The following DIPK1A variants were observed in gnomAD, a reference collection of about 807,000 sequenced individuals.
DIPK1A encodes the protein family with sequence similarity 69 member A.
A neutral mutation model predicts 40.8 loss-of-function variants in DIPK1A; 27 were observed. That is an observed-to-expected ratio of 0.66 (90% confidence interval 0.49 to 0.91). The LOEUF (loss-of-function observed/expected upper bound fraction) is 0.91. Among genes scored for constraint, DIPK1A ranks in the 40% least tolerant of loss-of-function variants. DIPK1A has a pLI of 0.00. For missense variants in DIPK1A, 412 were observed against 505.7 expected, an observed-to-expected ratio of 0.81 and a Z score of 1.78; for synonymous variants, 166 against 171.3, an observed-to-expected ratio of 0.97 and a Z score of 0.24.
At chr1:92,934,199 C>T (rs1650866663) in intron 1 of DIPK1A, 1 of 152,120 alleles carries the variant, frequency 6.6e-6, no homozygotes, top group Non-Finnish European at 1.5e-5. Context: ...TGATCTATTT[C>T]TATGGTTTAA....
At chr1:92,881,286 T>C in intron 1 of DIPK1A, among the ~76,000 whole-genome samples, 1 of 127,520 alleles carries the variant, frequency 7.8e-6, no homozygotes, top group Non-Finnish European at 1.6e-5. Flanking sequence ...AAATACTCCA[T>C]ACACAAATGT....
chr1:92,845,566 C>T (rs1022482109), intron 4 of DIPK1A: 6 of 286,276 alleles, frequency 2.1e-5, no homozygotes, highest in East Asian at 1.2e-4. Context: ...ATGCTGGATG[C>T]GGTGGCTCAC....
At position 92,876,348 on chromosome 1, in the gene DIPK1A, T is replaced by C; in HGVS notation, c.137A>G (p.Gln46Arg). The change falls in exon 2 of 5, where the codon CAG becomes CGG. Residue 46 changes from glutamine (Q) to arginine (R), a missense_variant. Gln to Arg is a conservative substitution (Grantham distance 43). Transcript: ENST00000370310. ...VFVGSWIIYV[Q>R]YSTYTELCRG... ...GCATAATTCTGTATAGGTAGAATAC[T>C]GCACATATATAATCCAGCTTCCAAC... 1.9e-6 allele frequency: 3 copies of C among 1,605,748 alleles called. No homozygotes were observed. Among genetic ancestry groups the C allele is most frequent in the Admixed American group, 3.3e-5 (2 of 59,878 alleles).
chr1:92,883,558 T>C (rs1571088413), intron 1 of DIPK1A, among the ~76,000 whole-genome samples: 1 of 152,182 alleles, frequency 6.6e-6, no homozygotes, highest in Non-Finnish European at 1.5e-5. Flanking sequence ...CTATGTGGGT[T>C]GGATGGGCAG....
intron 2 of DIPK1A, among the ~76,000 whole-genome samples, chr1:92,866,128 G>C (rs1227937875): frequency 6.6e-6 from 1 of 152,154 alleles, no homozygotes; most frequent in Admixed American, 6.5e-5. Context: ...TTGAGACAGA[G>C]TCTCTCACTG....
rs369499700 is a variant in DIPK1A at position 92,911,370 on chromosome 1, C to T, written c.55-34940G>A. Among the ~76,000 whole-genome samples the T allele has an allele frequency of 4.6e-5, 7 of 152,310 alleles. No homozygotes were observed. The East Asian group carries it at 9.6e-4, about 21-fold the overall frequency. ...GGATTTTCACCAGACATTGAATCTG[C>T]AGGTACCTTGTTCTTGAACTTCCCA... On this transcript the variant is annotated intron_variant, in intron 1 of 4. Coordinates refer to ENST00000370310, the MANE Select transcript of DIPK1A (RefSeq NM_001006605.5).
chr1:92,870,798 A>G (rs957652608), intron 2 of DIPK1A, among the ~76,000 whole-genome samples: 4 of 152,144 alleles, frequency 2.6e-5, no homozygotes, highest in African/African-American at 9.7e-5. Context: ...CTTGGCATGG[A>G]TCGGGGTAAA....
rs780882370 is a variant in DIPK1A at position 92,832,993 on chromosome 1, G to A, written c.*27C>T. On this transcript the variant is annotated 3_prime_UTR_variant, in exon 5 of 5. Coordinates refer to the DIPK1A transcript ENST00000615519. ...TTGGCATCACTGATTGCTGTCTGGA[G>A]CAGTGCTTCGCAAAAGTTTGGCACA... 14 of 735,864 alleles carry A rather than the reference G, an allele frequency of 1.9e-5. No homozygotes were observed. In the African/African-American group the frequency reaches 2.2e-4, roughly 12 times the overall value. The allele number at this position is 735,864 out of a possible 1,614,324, so 45.6% of individuals were successfully genotyped here. A position where few individuals can be genotyped will look rare whatever the true frequency, so the allele number is the denominator to read the frequency against.
downstream of DIPK1A, chr1:92,842,152 A>G: frequency 1.9e-6 from 2 of 1,037,930 alleles, no homozygotes; most frequent in South Asian, 3.7e-5. Flanking sequence ...CAACAGACCA[A>G]CCATCAGTGG....
At chr1:92,857,307 C>T (rs1306779040) in intron 2 of DIPK1A, among the ~76,000 whole-genome samples, 1 of 149,982 alleles carries the variant, frequency 6.7e-6, no homozygotes, top group African/African-American at 2.5e-5. Flanking sequence ...AGCTACACAG[C>T]GTTTGTCATA....
chr1:92,836,498 C>T, intron 4 of DIPK1A: 1 of 990,686 alleles, frequency 1.0e-6, no homozygotes, highest in Non-Finnish European at 1.6e-6. Context: ...CAATTGAATG[C>T]CTGCTGTATG....
At chr1:92,959,055 G>A (rs990624264) in intron 1 of DIPK1A, among the ~76,000 whole-genome samples, 12 of 152,194 alleles carry the variant, frequency 7.9e-5, no homozygotes, top group African/African-American at 2.9e-4. Context: ...GGAGGTCAAG[G>A]CAGGAGGACT....
chr1:92,935,720 G>A (rs556783806), intron 1 of DIPK1A, among the ~76,000 whole-genome samples: 7 of 151,370 alleles, frequency 4.6e-5, no homozygotes, highest in South Asian at 4.2e-4. Context: ...ATATTATAAC[G>A]TGTTCAAGTA....
chr1:92,839,782 A>G (rs1381539850), downstream of DIPK1A, among the ~76,000 whole-genome samples: 1 of 152,164 alleles, frequency 6.6e-6, no homozygotes, highest in African/African-American at 2.4e-5. Context: ...TTTGATTTAG[A>G]GTGACTCAAG....
chr1:92,958,541 A>G (rs1014828381), intron 1 of DIPK1A, among the ~76,000 whole-genome samples: 1 of 151,808 alleles, frequency 6.6e-6, no homozygotes, highest in Non-Finnish European at 1.5e-5. Flanking sequence ...CTGTACTCTT[A>G]CCCTTCCCCT....
intron 1 of DIPK1A, among the ~76,000 whole-genome samples, chr1:92,891,632 A>G (rs1351399309): frequency 6.6e-6 from 1 of 152,156 alleles, no homozygotes; most frequent in Non-Finnish European, 1.5e-5. Flanking sequence ...TACTGGGTTC[A>G]TCGCACTGGG....
intron 1 of DIPK1A, among the ~76,000 whole-genome samples, chr1:92,940,776 G>C (rs1219423293): frequency 6.6e-6 from 1 of 152,124 alleles, no homozygotes; most frequent in Non-Finnish European, 1.5e-5. Context: ...CAGTTGCTCT[G>C]CGTCCTTGCC....
At chr1:92,895,318 G>C (rs1234212982) in intron 1 of DIPK1A, among the ~76,000 whole-genome samples, 1 of 152,090 alleles carries the variant, frequency 6.6e-6, no homozygotes, top group Non-Finnish European at 1.5e-5. Flanking sequence ...GATCAAGTGG[G>C]CTTCATCCTT....
chr1:92,873,367 C>T (rs1043173086), intron 2 of DIPK1A, among the ~76,000 whole-genome samples: 1 of 152,190 alleles, frequency 6.6e-6, no homozygotes. Context: ...GTAATCCCAG[C>T]ACTTTGGGAG....
Sources: allele counts gnomAD v4.1 joint callset (sites outside exome capture counted in the v4.1 genomes callset), GRCh38; gene constraint gnomAD v4.1.1; transcripts MANE v1.5; gene names NCBI Gene and HGNC (gene_info 2026-07-23, HGNC 2026-07-21).